PKLR: variants seen among roughly 807,000 people sequenced by gnomAD.
PKLR encodes the protein pyruvate kinase L/R, also known as pyruvate kinase PKLR.
Under a neutral mutation model 53.6 loss-of-function variants are expected in PKLR, and 38 were observed. That is an observed-to-expected ratio of 0.71 (90% CI 0.55 to 0.93). The LOEUF (loss-of-function observed/expected upper bound fraction) is 0.93. Ranked by LOEUF, PKLR falls within the 40% of genes least tolerant of loss-of-function variation. PKLR has a pLI of 0.00. For synonymous variants in PKLR, 328 were observed against 316.2 expected (o/e 1.04, Z -0.39); for missense variants, 702 against 787.3 (o/e 0.89, Z 1.30).
In PKLR at chr1:155,293,657, C is replaced by A. The variant is rs1647364409; in HGVS notation, c.1117-67G>T. The A allele has an allele frequency of 2.6e-6, 4 of 1,519,412 alleles. No individual in the cohort carries two copies. The African/African-American group carries it at 5.5e-5, about 21-fold the overall frequency. 94.1% of individuals were successfully genotyped at this position (1,519,412 alleles called of 1,614,324 possible). ...GTGACTGGGGACCCTGCCCAAGCTA[C>A]TTCTCTGACACCCACACTCTCAGAG... On this transcript the variant is annotated intron_variant, in intron 7 of 10. Transcript: ENST00000342741. This position sits in a 1 kb window ranked among gnomAD's most constrained non-coding sequence, Gnocchi z 4.2.
At chr1:155,301,528 T>G, upstream of PKLR, 2 of 1,160,380 alleles carry the variant, frequency 1.7e-6, no homozygotes, top group African/African-American at 3.0e-5. Flanking sequence ...CCCCACAGAA[T>G]CCCTCCCCCA....
In PKLR at chr1:155,294,393, G is replaced by T. The variant is rs1647422117; in HGVS notation, c.966-8C>A. 1 of 1,614,098 alleles carries T rather than the reference G, an allele frequency of 6.2e-7. No homozygotes were observed. The highest frequency in any genetic ancestry group is 1.3e-5 in the African/African-American group (1 of 74,942). On this transcript the variant is annotated splice_region_variant and splice_polypyrimidine_tract_variant and intron_variant, in intron 6 of 10. Transcript: ENST00000342741. ...TCCAGGATTTCATCAAACCTGAGAG[G>T]TTGGGAGAATCAAGGCAGAGGCAGG...
At chr1:155,303,906 G>C (rs1195827954), upstream of PKLR, among the ~76,000 whole-genome samples, 2 of 152,110 alleles carry the variant, frequency 1.3e-5, no homozygotes, top group Admixed American at 1.3e-4. Flanking sequence ...TGGAGAAAGG[G>C]GTTTTCCATG....
At chr1:155,305,796 A>ATT (rs35024216), upstream of PKLR, among the ~76,000 whole-genome samples, 927 of 133,256 alleles carry the variant, frequency 7.0e-3, 4 homozygotes, top group African/African-American at 0.015. Context: ...TGCCCAGCTA[A>ATT]TTTTTTTTTT....
intron 2 of PKLR, among the ~76,000 whole-genome samples, chr1:155,297,074 T>A (rs1405432274): frequency 1.3e-5 from 2 of 152,170 alleles, no homozygotes; most frequent in African/African-American, 2.4e-5. Context: ...CAGTCTCCTT[T>A]CCTTGTTCCT....
At chr1:155,298,966 C>CT (rs944985175) in intron 2 of PKLR, among the ~76,000 whole-genome samples, 1 of 59,448 alleles carries the variant, frequency 1.7e-5, no homozygotes, top group Non-Finnish European at 3.0e-5. Flanking sequence ...TTCTTTCTTT[C>CT]TTTCTTTCTT....
intron 9 of PKLR, among the ~76,000 whole-genome samples, chr1:155,292,746 G>A (rs1435239906): frequency 6.6e-6 from 1 of 152,134 alleles, no homozygotes; most frequent in Non-Finnish European, 1.5e-5. Flanking sequence ...GTACTATCTA[G>A]TACTTAATAT....
upstream of PKLR, among the ~76,000 whole-genome samples, chr1:155,304,968 C>T (rs952746315): frequency 1.3e-5 from 2 of 152,116 alleles, no homozygotes; most frequent in African/African-American, 2.4e-5. Context: ...TGCTGTGGGG[C>T]CAGGAGGCTG....
intron 1 of PKLR, chr1:155,301,042 AG>A (rs1647967912): frequency 2.6e-6 from 4 of 1,544,032 alleles, no homozygotes; most frequent in Non-Finnish European, 3.5e-6. Context: ...CCTGTATGCC[AG>A]GGGCCAGAGT....
chr1:155,292,031 G>T, intron 9 of PKLR, 94 bp from the exon 10 acceptor site: 1 of 1,202,846 alleles, frequency 8.3e-7, no homozygotes, highest in Non-Finnish European at 1.2e-6. Context: ...TCACTAACAA[G>T]CTGTGTGACC....
the PKLR span, among the ~76,000 whole-genome samples, chr1:155,306,763 G>A: frequency 2.6e-5 from 4 of 152,180 alleles, no homozygotes; most frequent in Admixed American, 6.5e-5. This position sits in a 1 kb window ranked among gnomAD's most constrained non-coding sequence, Gnocchi z 4.2. Flanking sequence ...GAATGAAGCC[G>A]CGGACCCTCG....
In PKLR at chr1:155,294,998, C is replaced by G. The variant is rs1647476566; in HGVS notation, c.694+118G>C. On this transcript the variant is annotated intron_variant, in intron 5 of 10. Transcript: ENST00000342741. ...ACACGCTGGGGACTCCTGGGACGGG[C>G]TGGCAAAAACGCGTGGCCAGGGGAA... 2.4e-6 allele frequency: 3 copies of G among 1,229,004 alleles called. No homozygotes were observed. The South Asian group carries it at 3.8e-5, about 16-fold the overall frequency. The allele number at this position is 1,229,004 out of a possible 1,614,324, so 76.1% of individuals were successfully genotyped here.
Position 155,290,432 on chromosome 1 carries a change from G to GA in PKLR, c.*139_*140insT. On this transcript the variant is annotated 3_prime_UTR_variant, in exon 11 of 11. Transcript: ENST00000342741. The stretch of plus-strand genomic sequence containing the variant: ...TAGATGACAGTTATAGTCTCAGATA[G>GA]GCCTCAGGTAGGGAGGGTCAGGAAT... 1.5e-6 allele frequency: 1 copy of GA among 667,402 alleles called. No homozygotes were observed. The highest frequency in any genetic ancestry group is 2.7e-6 in the Non-Finnish European group (1 of 364,674). The allele number at this position is 667,402 out of a possible 1,614,324, so 41.3% of individuals were successfully genotyped here.
At chr1:155,292,983 G>A (rs894183193) in intron 9 of PKLR, among the ~76,000 whole-genome samples, 194 bp downstream of exon 9, 9 of 152,072 alleles carry the variant, frequency 5.9e-5, no homozygotes, top group African/African-American at 2.2e-4. Flanking sequence ...CAGTGATGCC[G>A]CTGTCCCCTT....
chr1:155,299,965 A>G (rs1262814589), intron 2 of PKLR, 133 bp downstream of exon 2: 8 of 919,188 alleles, frequency 8.7e-6, no homozygotes, highest in Non-Finnish European at 1.2e-5. Context: ...TGTCTACTAT[A>G]TGCTCAACAA....
rs374751259 is a variant in PKLR, at chr1:155,290,557, G to C, written c.*15C>G. 5.9e-6 allele frequency: 9 copies of C among 1,519,350 alleles called. No individual in the cohort carries two copies. Among genetic ancestry groups the C allele is most frequent in the Admixed American group, 3.3e-5 (2 of 59,844 alleles). The allele number at this position is 1,519,350 out of a possible 1,614,324, so 94.1% of individuals were successfully genotyped here. ...GGGTACAAGGGTAGGCTGGGCCAGA[G>C]GAGGGAGGGGCGTCTCAGGATATGC... is the stretch of plus-strand genomic sequence containing the variant. On this transcript the variant is annotated 3_prime_UTR_variant, in exon 11 of 11. Coordinates refer to ENST00000342741, the MANE Select transcript of PKLR (RefSeq NM_000298.6).
Position 155,294,727 on chromosome 1 carries a change from C to T in PKLR, c.720G>A (p.Val240=). ...GGCTGCCCAGGACGCCGCCGTTCTCCACTTGGGTCACCAGTCCCTCTGGGC... is the reference window on the plus strand; with the variant it reads ...GGCTGCCCAGGACGCCGCCGTTCTCTACTTGGGTCACCAGTCCCTCTGGGC... The part of the protein sequence containing the change: ...KIGPEGLVTQ[V]ENGGVLGSRK... The change falls in exon 6 of 11, where the codon GTG becomes GTA. Residue 240 remains valine, a synonymous_variant. Transcript: ENST00000342741. 6.2e-7 allele frequency: 1 copy of T among 1,613,994 alleles called. No individual in the cohort carries two copies. Among genetic ancestry groups the T allele is most frequent in the Non-Finnish European group, 8.5e-7 (1 of 1,180,024 alleles).
At chr1:155,299,246 AG>A (rs953490391) in intron 2 of PKLR, among the ~76,000 whole-genome samples, 4 of 147,728 alleles carry the variant, frequency 2.7e-5, no homozygotes, top group African/African-American at 1.0e-4. Context: ...GCTGGAGTAC[AG>A]TGGCTCGATC....
Position 155,291,874 on chromosome 1 carries a change from G to C in PKLR, c.1500C>G (p.Ala500=). ...RAAVIAVTRS[A]QAARQVHLCR... ...ATAAGTGGACCTGGCGGGCAGCCTG[G>C]GCAGAGCGGGTGACAGCAATGACTG... is the stretch of plus-strand genomic sequence containing the variant. The change falls in exon 10 of 11, where the codon GCC becomes GCG. Residue 500 remains alanine (A), a synonymous_variant. Coordinates refer to ENST00000342741, the MANE Select transcript of PKLR (RefSeq NM_000298.6). 1 of 1,614,026 alleles carries C rather than the reference G, an allele frequency of 6.2e-7. No individual in the cohort carries two copies. The highest frequency in any genetic ancestry group is 1.1e-5 in the South Asian group (1 of 91,070).
Sources: allele counts gnomAD v4.1 joint callset (sites outside exome capture counted in the v4.1 genomes callset), GRCh38; gene constraint gnomAD v4.1.1; non-coding constraint Gnocchi (gnomAD v3.1); transcripts MANE v1.5; gene names NCBI Gene and HGNC (gene_info 2026-07-23, HGNC 2026-07-21).